AP1M1: variants seen among roughly 807,000 people sequenced by gnomAD.
AP1M1 encodes the protein AP-1 complex subunit mu-1.
In AP1M1, 18 loss-of-function variants were observed where a neutral mutation model predicts 57.1. That is an observed-to-expected ratio of 0.32 (90% CI 0.22 to 0.47). The LOEUF (loss-of-function observed/expected upper bound fraction) is 0.47. Among genes scored for constraint, AP1M1 ranks in the 20% least tolerant of loss-of-function variants. AP1M1 has a pLI of 1.00. For synonymous variants in AP1M1, 241 were observed against 237.9 expected (o/e 1.01, Z -0.12); for missense variants, 362 against 593.5 (o/e 0.61, Z 4.05).
chr19:16,218,450 A>G (rs2091528263), intron 5 of AP1M1, among the ~76,000 whole-genome samples: 1 of 152,076 alleles, frequency 6.6e-6, no homozygotes, highest in Non-Finnish European at 1.5e-5. Flanking sequence ...TGCTAGTTCA[A>G]TTCACCCCCT....
chr19:16,224,445 A>G (rs964637671), intron 5 of AP1M1, among the ~76,000 whole-genome samples: 1 of 152,238 alleles, frequency 6.6e-6, no homozygotes, highest in Non-Finnish European at 1.5e-5. Context: ...AGTGGCTTGC[A>G]GAGCTGGTGG....
At chr19:16,217,344 C>T (rs1033514736) in intron 5 of AP1M1, among the ~76,000 whole-genome samples, 19 of 152,268 alleles carry the variant, frequency 1.2e-4, no homozygotes, top group African/African-American at 3.9e-4. Context: ...AACAGTGGCA[C>T]AGCAGGGTGC....
At chr19:16,213,800 T>C (rs982548077) in intron 5 of AP1M1, among the ~76,000 whole-genome samples, 8 of 152,124 alleles carry the variant, frequency 5.3e-5, no homozygotes, top group African/African-American at 1.9e-4. Context: ...CAGCCAAGAA[T>C]GGTGTCTTAA....
At chr19:16,212,731 T>G (rs114822331) in intron 5 of AP1M1, among the ~76,000 whole-genome samples, 1,812 of 152,330 alleles carry the variant, frequency 0.012, 45 homozygotes, top group African/African-American at 0.041. Context: ...GATGTGGGCA[T>G]GTAGTGCTGT....
intron 6 of AP1M1, chr19:16,226,771 G>A (rs921666902): frequency 1.6e-5 from 9 of 552,330 alleles, no homozygotes; most frequent in African/African-American, 3.8e-5. Flanking sequence ...GGAGGCCCCC[G>A]TCACCCGGCC....
rs931486078 is a variant in AP1M1, at chr19:16,227,406, C to T, written c.674-142C>T. 45 of 926,594 alleles carry T rather than the reference C, an allele frequency of 4.9e-5. No individual in the cohort carries two copies. Among genetic ancestry groups the T allele is most frequent in the Non-Finnish European group, 7.1e-5 (43 of 606,282 alleles). The allele number at this position is 926,594 out of a possible 1,614,324, so 57.4% of individuals were successfully genotyped here. A position where few individuals can be genotyped will look rare whatever the true frequency, so the allele number is the denominator to read the frequency against. ...GGGCAGTTGTCTTGGGACCCAGCCC[C>T]CTTGGTGTTTGTGGCCCAGGCTGCT... is the stretch of plus-strand genomic sequence containing the variant. On this transcript the variant is annotated intron_variant, in intron 6 of 11. Transcript: ENST00000291439. The surrounding 1 kb of genome is among the most constrained non-coding windows in gnomAD (Gnocchi z 6.2).
intron 5 of AP1M1, among the ~76,000 whole-genome samples, chr19:16,212,215 T>C (rs1399929403): frequency 3.9e-5 from 6 of 152,174 alleles, no homozygotes; most frequent in Non-Finnish European, 8.8e-5. Flanking sequence ...AATTCAGCTG[T>C]GAGTCCGTCT....
At chr19:16,214,393 C>T (rs1599457817) in intron 5 of AP1M1, among the ~76,000 whole-genome samples, 1 of 133,840 alleles carries the variant, frequency 7.5e-6, no homozygotes, top group African/African-American at 2.7e-5. Flanking sequence ...GCCCTGTCAC[C>T]CAGGCTGGAG....
Position 16,203,692 on chromosome 19 carries a change from G to T in AP1M1, c.199+77G>T. 1 of 1,484,174 alleles carries T rather than the reference G, an allele frequency of 6.7e-7. No individual in the cohort carries two copies. The allele number at this position is 1,484,174 out of a possible 1,614,324, so 91.9% of individuals were successfully genotyped here. A position where few individuals can be genotyped will look rare whatever the true frequency, so the allele number is the denominator to read the frequency against. On this transcript the variant is annotated intron_variant, in intron 2 of 11. Transcript: ENST00000291439. This position sits in a 1 kb window ranked among gnomAD's most constrained non-coding sequence, Gnocchi z 4.6. ...TGTGTGCATATCCACACGCCTGCAA[G>T]CAGGGCTGGTTTGTGCACAGCGCAA...
At chr19:16,233,644 C>T in intron 10 of AP1M1, 26 bp downstream of exon 10, 6 of 1,601,558 alleles carry the variant, frequency 3.7e-6, no homozygotes, top group Non-Finnish European at 5.1e-6. Context: ...GCGGCCGGGG[C>T]CCAGAACAGG....
chr19:16,217,353 G>A (rs960611244), intron 5 of AP1M1, among the ~76,000 whole-genome samples: 1 of 152,160 alleles, frequency 6.6e-6, no homozygotes, highest in African/African-American at 2.4e-5. Flanking sequence ...ACAGCAGGGT[G>A]CACACACAGG....
chr19:16,206,559 C>A lies in AP1M1; in HGVS notation c.267+151C>A. 2.7e-6 allele frequency: 2 copies of A among 738,586 alleles called. No homozygotes were observed. Among genetic ancestry groups the A allele is most frequent in the Non-Finnish European group, 4.6e-6 (2 of 430,356 alleles). 45.8% of individuals were successfully genotyped at this position (738,586 alleles called of 1,614,324 possible). A position where few individuals can be genotyped will look rare whatever the true frequency, so the allele number is the denominator to read the frequency against. ...CCCAGGAAGTGGGAAAGGGGAGTCC[C>A]AACTCCCCACGCCTGTGGAATTCTA... On this transcript the variant is annotated intron_variant, in intron 3 of 11. Coordinates refer to ENST00000291439, the MANE Select transcript of AP1M1 (RefSeq NM_032493.4). This position sits in a 1 kb window ranked among gnomAD's most constrained non-coding sequence, Gnocchi z 4.3.
At chr19:16,208,637 G>A (rs1447038571) in intron 4 of AP1M1, among the ~76,000 whole-genome samples, 2 of 152,054 alleles carry the variant, frequency 1.3e-5, no homozygotes, top group Non-Finnish European at 2.9e-5. Flanking sequence ...GTTCCTAACC[G>A]CTGCACCTCC....
chr19:16,226,348 G>A, intron 5 of AP1M1, 73 bp from the exon 6 acceptor site: 1 of 1,486,838 alleles, frequency 6.7e-7, no homozygotes, highest in Non-Finnish European at 9.0e-7. Context: ...TGGCCAGAGG[G>A]TCACATGATG....
chr19:16,234,451 A>C lies in AP1M1; in HGVS notation c.*16A>C. ...GACCCAGTGAGGGGCTGTCGCAGCC[A>C]ACACCCCGGCCTCGGGGCTCCTGGT... On this transcript the variant is annotated 3_prime_UTR_variant, in exon 12 of 12. Coordinates refer to ENST00000291439, the MANE Select transcript of AP1M1 (RefSeq NM_032493.4). The C allele has an allele frequency of 2.5e-6, 4 of 1,613,486 alleles. No individual in the cohort carries two copies. The highest frequency in any genetic ancestry group is 3.4e-6 in the Non-Finnish European group (4 of 1,179,864).
In AP1M1 at chr19:16,200,643, G is replaced by A. The variant is rs80197213; in HGVS notation, c.42+2575G>A. The stretch of plus-strand genomic sequence containing the variant: ...AATAAAGCACACTGAGAAATTCATG[G>A]CCACGTGTCTGGTCACCGAGGACAC... On this transcript the variant is annotated intron_variant, in intron 1 of 11. Coordinates refer to ENST00000291439, the MANE Select transcript of AP1M1 (RefSeq NM_032493.4). 2.0e-3 allele frequency among the ~76,000 whole-genome samples: 297 copies of A among 152,300 alleles called. 1 individual carries two copies. The highest frequency in any genetic ancestry group is 6.9e-3 in the African/African-American group (288 of 41,570).
At chr19:16,226,304 G>A in intron 5 of AP1M1, 117 bp from the exon 6 acceptor site, 1 of 1,371,060 alleles carries the variant, frequency 7.3e-7, no homozygotes, top group South Asian at 1.5e-5. Context: ...GGAGAGGGAT[G>A]GGCTTGGAGG....
chr19:16,223,865 C>A (rs1340789996), intron 5 of AP1M1, among the ~76,000 whole-genome samples: 8 of 152,248 alleles, frequency 5.3e-5, no homozygotes, highest in African/African-American at 1.7e-4. Flanking sequence ...AGCCGACCTG[C>A]CTCACCAGCC....
At chr19:16,212,003 A>G (rs1297294475) in intron 5 of AP1M1, among the ~76,000 whole-genome samples, 4 of 152,116 alleles carry the variant, frequency 2.6e-5, no homozygotes, top group East Asian at 1.9e-4. Flanking sequence ...TCAGTTTACT[A>G]GTATTTTGTT....
Sources: gnomAD v4.1 joint callset for allele counts (sites outside exome capture counted in the v4.1 genomes callset) on GRCh38, gnomAD v4.1.1 for gene constraint, Gnocchi (gnomAD v3.1) non-coding constraint, MANE v1.5 for transcripts, NCBI Gene and HGNC (gene_info 2026-07-23, HGNC 2026-07-21) for gene names.